Variants in CAMTA1 observed in about 807,000 individuals in gnomAD.
The protein encoded by CAMTA1 is calmodulin-binding transcription activator 1.
A neutral mutation model predicts 170.9 loss-of-function variants in CAMTA1; 27 were observed. That is an observed-to-expected ratio of 0.16 (90% CI 0.12 to 0.22). The LOEUF is 0.22. Among genes scored for constraint, CAMTA1 ranks in the 10% least tolerant of loss-of-function variants. The pLI is 1.00. For missense variants in CAMTA1, 1,619 were observed against 2,217.2 expected (o/e 0.73, Z 5.42); for synonymous variants, 833 against 891.5 (o/e 0.93, Z 1.17).
rs553952544 is a variant in CAMTA1 at position 7,622,533 on chromosome 1, A to C, written c.511-17867A>C. ...CCTTTCTTTAACAAATAACCAGCAA[A>C]ACAGAGCGTTCTTTCGGAGTAAGCC... is the stretch of plus-strand genomic sequence containing the variant. On this transcript the variant is annotated intron_variant, in intron 6 of 22. Transcript: ENST00000303635. 6.7e-4 allele frequency among the ~76,000 whole-genome samples: 102 copies of C among 152,358 alleles called. 1 individual carries two copies. Among genetic ancestry groups the C allele is most frequent in the African/African-American group, 2.4e-3 (101 of 41,590 alleles).
At chr1:6,946,213 G>T (rs2149453184) in intron 3 of CAMTA1, among the ~76,000 whole-genome samples, 1 of 147,812 alleles carries the variant, frequency 6.8e-6, no homozygotes. Context: ...TTTTTTTAGA[G>T]ACAAGGTCTC....
At chr1:6,794,656 A>G (rs1641996656) in intron 1 of CAMTA1, among the ~76,000 whole-genome samples, 1 of 152,174 alleles carries the variant, frequency 6.6e-6, no homozygotes, top group African/African-American at 2.4e-5. Context: ...TTCCCTGGGA[A>G]ACATTAGACA....
At chr1:7,209,582 T>G (rs752225041) in intron 4 of CAMTA1, among the ~76,000 whole-genome samples, 19 of 152,126 alleles carry the variant, frequency 1.2e-4, no homozygotes, top group Non-Finnish European at 2.6e-4. Context: ...CTGTTGGAAT[T>G]GGCCAGCGTA....
intron 6 of CAMTA1, among the ~76,000 whole-genome samples, chr1:7,493,774 T>C (rs1442585504): frequency 1.3e-5 from 2 of 152,150 alleles, no homozygotes; most frequent in Non-Finnish European, 2.9e-5. Context: ...GTCAGCGAAA[T>C]GCAGTTCTAT....
chr1:7,478,594 C>A (rs1356430888), intron 6 of CAMTA1, among the ~76,000 whole-genome samples: 2 of 152,244 alleles, frequency 1.3e-5, no homozygotes, highest in East Asian at 3.8e-4. Context: ...ACTTGTCAGT[C>A]TCTTAATCCT....
At chr1:7,410,008 AAGAC>A (rs1242826802) in intron 5 of CAMTA1, among the ~76,000 whole-genome samples, 1 of 152,194 alleles carries the variant, frequency 6.6e-6, no homozygotes, top group African/African-American at 2.4e-5. Flanking sequence ...CCACTGCCTC[AAGAC>A]AGACAGCTTC....
At chr1:7,477,528 T>C (rs2093440308) in intron 6 of CAMTA1, among the ~76,000 whole-genome samples, 2 of 152,232 alleles carry the variant, frequency 1.3e-5, no homozygotes, top group African/African-American at 4.8e-5. Flanking sequence ...CTCAGACATC[T>C]TTGCCTGATT....
chr1:7,186,899 G>A (rs1653411230), intron 4 of CAMTA1, among the ~76,000 whole-genome samples: 2 of 152,090 alleles, frequency 1.3e-5, no homozygotes, highest in South Asian at 2.1e-4. Flanking sequence ...GAGTCTTCCC[G>A]GCGGGGGCGT....
intron 4 of CAMTA1, among the ~76,000 whole-genome samples, chr1:7,098,130 C>T (rs913770175): frequency 1.9e-4 from 29 of 150,186 alleles, no homozygotes; most frequent in Non-Finnish European, 1.3e-4. Context: ...TGCACGTGCG[C>T]GTGCGTGCGC....
At chr1:7,694,792 A>G (rs1319066390) in intron 11 of CAMTA1, 1 of 152,252 alleles carries the variant, frequency 6.6e-6, no homozygotes, top group Non-Finnish European at 1.5e-5. Flanking sequence ...CTTCTCCAAC[A>G]AGACCTCTCT....
chr1:7,448,508 G>T (rs1231102060), intron 5 of CAMTA1, among the ~76,000 whole-genome samples: 2 of 152,196 alleles, frequency 1.3e-5, no homozygotes, highest in African/African-American at 4.8e-5. Context: ...GTGGGTGGGG[G>T]ACAGAGCCTG....
intron 6 of CAMTA1, among the ~76,000 whole-genome samples, chr1:7,539,239 C>T (rs1341828213): frequency 6.6e-6 from 1 of 152,256 alleles, no homozygotes; most frequent in Non-Finnish European, 1.5e-5. Context: ...ACAGGCAGGA[C>T]TGATGGACAG....
intron 3 of CAMTA1, among the ~76,000 whole-genome samples, chr1:6,872,430 A>G (rs891785660): frequency 3.9e-5 from 6 of 152,238 alleles, no homozygotes; most frequent in Non-Finnish European, 8.8e-5. Flanking sequence ...TTTAAGGACT[A>G]GAAAAATACA....
chr1:7,701,955 G>A (rs150920249), intron 11 of CAMTA1, among the ~76,000 whole-genome samples: 99 of 152,188 alleles, frequency 6.5e-4, no homozygotes, highest in African/African-American at 1.9e-3. Flanking sequence ...GTTTTAGGGC[G>A]CTGGCAGCAC....
At chr1:6,860,906 C>A (rs1431961311) in intron 3 of CAMTA1, among the ~76,000 whole-genome samples, 1 of 150,010 alleles carries the variant, frequency 6.7e-6, no homozygotes, top group Non-Finnish European at 1.5e-5. Flanking sequence ...AGTGAGACTC[C>A]ATCTCAAAAA....
chr1:7,441,330 T>C (rs1349997436), intron 5 of CAMTA1: 1 of 152,272 alleles, frequency 6.6e-6, no homozygotes, highest in Admixed American at 6.5e-5. Flanking sequence ...CTGTATCTCA[T>C]TGGCCTGAGA....
At chr1:7,707,481 T>C (rs1174144979) in intron 11 of CAMTA1, among the ~76,000 whole-genome samples, 1 of 152,068 alleles carries the variant, frequency 6.6e-6, no homozygotes, top group Admixed American at 6.6e-5. Context: ...GCTCAGGTGA[T>C]CCTCCCACCT....
chr1:7,768,094 C>A lies in CAMTA1; in HGVS notation c.*1603C>A, dbSNP rs1031581875. 166 of 120,196 alleles carry A rather than the reference C, an allele frequency of 1.4e-3. No homozygotes were observed. Among genetic ancestry groups the A allele is most frequent in the African/African-American group, 5.2e-3 (159 of 30,866 alleles). The allele number at this position is 120,196 out of a possible 1,614,324, so 7.4% of individuals were successfully genotyped here. Reference sequence around the variant, plus strand: ...GCTTAACACCATCCACTCACTCCAACAAAGAACACTTAGAATGATAAAAAA... The same window carrying A: ...GCTTAACACCATCCACTCACTCCAAAAAAGAACACTTAGAATGATAAAAAA... On this transcript the variant is annotated 3_prime_UTR_variant, in exon 23 of 23. Transcript: ENST00000303635.
intron 4 of CAMTA1, among the ~76,000 whole-genome samples, chr1:7,109,567 C>G (rs1643888914): frequency 6.6e-6 from 1 of 152,188 alleles, no homozygotes; most frequent in South Asian, 2.1e-4. Flanking sequence ...CTCAGAATCC[C>G]TCCTAACACA....
Sources: allele counts gnomAD v4.1 joint callset (sites outside exome capture counted in the v4.1 genomes callset), GRCh38; gene constraint gnomAD v4.1.1; transcripts MANE v1.5; gene names NCBI Gene and HGNC (gene_info 2026-07-23, HGNC 2026-07-21).